TAS2R1: variants seen among roughly 807,000 people sequenced by gnomAD.
TAS2R1 encodes taste receptor type 2 member 1.
For missense variants in TAS2R1, 370 were observed against 353.4 expected, an observed-to-expected ratio of 1.05 and a Z score of -0.38; for synonymous variants, 141 against 134.2, an observed-to-expected ratio of 1.05 and a Z score of -0.35.
chr5:9,773,189 T>C, the TAS2R1 span, among the ~76,000 whole-genome samples: 21 of 152,254 alleles, frequency 1.4e-4, no homozygotes, highest in Non-Finnish European at 2.4e-4. Flanking sequence ...ATATGTTTTT[T>C]GATTTGAGGT....
chr5:9,700,287 A>C (rs1741452096), intron 1 of TAS2R1, among the ~76,000 whole-genome samples: 1 of 152,208 alleles, frequency 6.6e-6, no homozygotes, highest in African/African-American at 2.4e-5. Context: ...TGAAATAATG[A>C]GGTTTCCAGA....
At chr5:9,746,791 A>C in the TAS2R1 span, among the ~76,000 whole-genome samples, 1 of 152,308 alleles carries the variant, frequency 6.6e-6, no homozygotes, top group Admixed American at 6.5e-5. Context: ...GGTGAGGGAG[A>C]GCATTAGGAC....
chr5:9,838,651 C>G, the TAS2R1 span, among the ~76,000 whole-genome samples: 1 of 152,220 alleles, frequency 6.6e-6, no homozygotes, highest in South Asian at 2.1e-4. Flanking sequence ...GTTCTGAGAG[C>G]TTTAAATGCT....
the TAS2R1 span, among the ~76,000 whole-genome samples, chr5:9,776,414 C>T: frequency 6.6e-6 from 1 of 152,164 alleles, no homozygotes; most frequent in Non-Finnish European, 1.5e-5. Flanking sequence ...GTAGTGTGAT[C>T]GCTCCTGTGA....
chr5:9,755,303 A>T, the TAS2R1 span, among the ~76,000 whole-genome samples: 1 of 152,140 alleles, frequency 6.6e-6, no homozygotes, highest in Non-Finnish European at 1.5e-5. Flanking sequence ...AAAGAAAGAA[A>T]TAGGCCAGGC....
At chr5:9,718,060 A>G in the TAS2R1 span, among the ~76,000 whole-genome samples, 1 of 152,020 alleles carries the variant, frequency 6.6e-6, no homozygotes, top group Non-Finnish European at 1.5e-5. Flanking sequence ...CCCGGGTTCA[A>G]GCAATTCTCC....
the TAS2R1 span, among the ~76,000 whole-genome samples, chr5:9,871,278 C>T: frequency 1.3e-5 from 2 of 152,206 alleles, no homozygotes; most frequent in African/African-American, 4.8e-5. Flanking sequence ...TAGATGATTA[C>T]AGGCAAGATA....
chr5:9,864,355 C>A, the TAS2R1 span, among the ~76,000 whole-genome samples: 1 of 152,172 alleles, frequency 6.6e-6, no homozygotes, highest in African/African-American at 2.4e-5. Flanking sequence ...TGGCCGGGTG[C>A]AGTGGCTCAT....
the TAS2R1 span, among the ~76,000 whole-genome samples, chr5:9,825,845 G>A: frequency 6.6e-6 from 1 of 152,124 alleles, no homozygotes. Flanking sequence ...ATATTCATCT[G>A]AGAAACCTTC....
At chr5:9,708,919 G>A (rs955982665) in intron 1 of TAS2R1, among the ~76,000 whole-genome samples, 3 of 152,144 alleles carry the variant, frequency 2.0e-5, no homozygotes, top group African/African-American at 7.2e-5. Context: ...TTACCTCACT[G>A]TCACAAAATA....
chr5:9,861,037 G>GTTTTTTGTTTTTTTTTTTTTTT, the TAS2R1 span, among the ~76,000 whole-genome samples: 1 of 88,612 alleles, frequency 1.1e-5, no homozygotes, highest in African/African-American at 4.3e-5. Flanking sequence ...GGAAGATGAG[G>GTTTTTTGTTTTTTTTTTTTTTT]TTTTTTTTTT....
At chr5:9,812,905 T>C in the TAS2R1 span, among the ~76,000 whole-genome samples, 1 of 152,212 alleles carries the variant, frequency 6.6e-6, no homozygotes, top group Non-Finnish European at 1.5e-5. Context: ...ATTGCCTTTC[T>C]TGCAATTTGG....
chr5:9,746,196 C>T, the TAS2R1 span, among the ~76,000 whole-genome samples: 1 of 152,154 alleles, frequency 6.6e-6, no homozygotes, highest in African/African-American at 2.4e-5. Flanking sequence ...TCAAGAGATG[C>T]AAATCAAAAC....
chr5:9,772,296 A>G, the TAS2R1 span, among the ~76,000 whole-genome samples: 1 of 151,988 alleles, frequency 6.6e-6, no homozygotes, highest in African/African-American at 2.4e-5. Context: ...TTTAATTTCC[A>G]TGTGTTTGTA....
chr5:9,748,509 G>A, the TAS2R1 span, among the ~76,000 whole-genome samples: 2 of 152,156 alleles, frequency 1.3e-5, no homozygotes, highest in Non-Finnish European at 2.9e-5. Flanking sequence ...GAGAGTTCAA[G>A]ATTGGGTAGC....
At chr5:9,823,630 GAGGA>G in the TAS2R1 span, among the ~76,000 whole-genome samples, 1 of 131,418 alleles carries the variant, frequency 7.6e-6, no homozygotes, top group African/African-American at 2.8e-5. Context: ...GAGGGAAAGG[GAGGA>G]AGGAAGGGAG....
At chr5:9,807,231 T>C in the TAS2R1 span, among the ~76,000 whole-genome samples, 1 of 152,110 alleles carries the variant, frequency 6.6e-6, no homozygotes, top group Non-Finnish European at 1.5e-5. Context: ...AGAATGGCCA[T>C]ATTCAAAAAA....
the TAS2R1 span, among the ~76,000 whole-genome samples, chr5:9,850,134 C>T: frequency 6.6e-6 from 1 of 152,162 alleles, no homozygotes; most frequent in Non-Finnish European, 1.5e-5. Context: ...GCCCAAACAC[C>T]TATCCCCTGG....
At chr5:9,755,397 G>A in the TAS2R1 span, among the ~76,000 whole-genome samples, 2 of 152,150 alleles carry the variant, frequency 1.3e-5, no homozygotes, top group African/African-American at 4.8e-5. Context: ...GGACCAGCCT[G>A]GGCAACATGG....
Sources: allele counts gnomAD v4.1 joint callset (sites outside exome capture counted in the v4.1 genomes callset), GRCh38; gene constraint gnomAD v4.1.1; transcripts MANE v1.5; gene names NCBI Gene and HGNC (gene_info 2026-07-23, HGNC 2026-07-21).